The following CTNND2 variants were observed in gnomAD, a reference collection of about 807,000 sequenced individuals.
CTNND2 encodes the protein catenin delta 2.
Under a neutral mutation model 144.4 loss-of-function variants are expected in CTNND2, and 22 were observed. That is an observed-to-expected ratio of 0.15 (90% confidence interval 0.11 to 0.22). The LOEUF (loss-of-function observed/expected upper bound fraction) is 0.22, where lower values mean the gene tolerates loss of function less well. Among genes scored for constraint, CTNND2 ranks in the 10% least tolerant of loss-of-function variants. CTNND2 has a pLI of 1.00. For synonymous variants in CTNND2, 751 were observed against 695.6 expected, an observed-to-expected ratio of 1.08 and a Z score of -1.25; for missense variants, 1,353 against 1,618.8, an observed-to-expected ratio of 0.84 and a Z score of 2.82.
chr5:11,160,458 A>G (rs190605015), intron 11 of CTNND2, among the ~76,000 whole-genome samples: 7 of 152,372 alleles, frequency 4.6e-5, no homozygotes, highest in Admixed American at 3.9e-4. Context: ...CAAAATGTTA[A>G]CGACAAATAG....
intron 1 of CTNND2, among the ~76,000 whole-genome samples, chr5:11,791,256 A>G (rs150704555): frequency 2.6e-5 from 4 of 152,328 alleles, no homozygotes; most frequent in Non-Finnish European, 4.4e-5. Context: ...ATAGTTGGTC[A>G]TACTTTGTTA....
intron 2 of CTNND2, among the ~76,000 whole-genome samples, chr5:11,686,981 C>T (rs1784684262): frequency 1.3e-5 from 2 of 151,794 alleles, no homozygotes; most frequent in Non-Finnish European, 2.9e-5. Flanking sequence ...CCCATCCCTC[C>T]CAGGGACGTG....
Position 11,652,801 on chromosome 5 carries a change from C to A in CTNND2, c.174+79335G>T, listed in dbSNP as rs1286370908. Among the ~76,000 whole-genome samples, 4 of 152,114 alleles carry A rather than the reference C, an allele frequency of 2.6e-5. No homozygotes were observed. The East Asian group carries it at 7.7e-4, about 29-fold the overall frequency. On this transcript the variant is annotated intron_variant, in intron 2 of 21. Coordinates refer to ENST00000304623, the MANE Select transcript of CTNND2 (RefSeq NM_001332.4). ...TACATTATTAACTATGGTTACCATG[C>A]TGTACATTTAATCTCAAGAATTTGT...
rs70947250 is a variant in CTNND2 at position 11,283,673 on chromosome 5, C to CAAAAAA, written c.1629-46856_1629-46851dup. Among the ~76,000 whole-genome samples the CAAAAAA allele has an allele frequency of 5.9e-3, 186 of 31,630 alleles. 29 individuals are homozygous for CAAAAAA. The highest frequency in any genetic ancestry group is 8.2e-3 in the Non-Finnish European group (142 of 17,286). 20.8% of individuals were successfully genotyped at this position (31,630 alleles called of 152,430 possible). ...TGGGTGAAAGAGTGAGACTCCGTCT[C>CAAAAAA]AAAAAAAAAAAAAAAAAAAAAAAAA... On this transcript the variant is annotated intron_variant, in intron 9 of 21. Coordinates refer to ENST00000304623, the MANE Select transcript of CTNND2 (RefSeq NM_001332.4).
chr5:11,225,017 T>C (rs2077667446), intron 10 of CTNND2, among the ~76,000 whole-genome samples: 1 of 152,170 alleles, frequency 6.6e-6, no homozygotes, highest in South Asian at 2.1e-4. Context: ...GTCTCTGTGG[T>C]TCAGAGCTCT....
At chr5:11,770,075 T>C (rs1337973680) in intron 1 of CTNND2, among the ~76,000 whole-genome samples, 1 of 152,184 alleles carries the variant, frequency 6.6e-6, no homozygotes, top group South Asian at 2.1e-4. Context: ...TGAGAAGTAT[T>C]ACCACCATGG....
At chr5:11,865,915 A>AAAAAAAAAAAAAAAAC (rs1553986082) in intron 1 of CTNND2, among the ~76,000 whole-genome samples, 2 of 149,228 alleles carry the variant, frequency 1.3e-5, no homozygotes, top group Non-Finnish European at 3.0e-5. Context: ...AAAAAAAAAA[A>AAAAAAAAAAAAAAAAC]CGAGTTCTCC....
At chr5:11,244,288 T>A (rs1268850509) in intron 9 of CTNND2, among the ~76,000 whole-genome samples, 3 of 146,538 alleles carry the variant, frequency 2.0e-5, no homozygotes, top group African/African-American at 7.6e-5. Context: ...CAATTTTTTT[T>A]TTTTTTTTTT....
At chr5:11,776,809 C>T (rs1790280790) in intron 1 of CTNND2, among the ~76,000 whole-genome samples, 1 of 152,036 alleles carries the variant, frequency 6.6e-6, no homozygotes, top group African/African-American at 2.4e-5. Context: ...TGTTGATCAC[C>T]AGAAGATAGA....
intron 16 of CTNND2, among the ~76,000 whole-genome samples, chr5:11,036,555 G>A (rs1744091717): frequency 6.6e-6 from 1 of 151,964 alleles, no homozygotes; most frequent in East Asian, 1.9e-4. Context: ...CAAGTAGCTG[G>A]GATTACAGGT....
chr5:11,546,632 T>C (rs145498639), intron 3 of CTNND2, among the ~76,000 whole-genome samples: 193 of 152,086 alleles, frequency 1.3e-3, no homozygotes, highest in African/African-American at 4.6e-3. Flanking sequence ...TTTCCAAGAG[T>C]AACAAAAACT....
intron 3 of CTNND2, among the ~76,000 whole-genome samples, chr5:11,425,607 T>A (rs1039412645): frequency 6.6e-6 from 1 of 152,188 alleles, no homozygotes; most frequent in East Asian, 1.9e-4. Flanking sequence ...AAGCCATGAA[T>A]TGAAATTCCT....
At chr5:11,311,932 CA>C (rs1750957254) in intron 9 of CTNND2, among the ~76,000 whole-genome samples, 1 of 149,344 alleles carries the variant, frequency 6.7e-6, no homozygotes, top group African/African-American at 2.5e-5. Flanking sequence ...TCGCCCCCCA[CA>C]CACACTCACA....
chr5:11,314,693 T>C (rs984552280), intron 9 of CTNND2, among the ~76,000 whole-genome samples: 1 of 152,196 alleles, frequency 6.6e-6, no homozygotes, highest in Non-Finnish European at 1.5e-5. Flanking sequence ...AATCAAAGAA[T>C]CTTGCATTCC....
chr5:11,692,822 G>T (rs1784969363), intron 2 of CTNND2, among the ~76,000 whole-genome samples: 1 of 152,194 alleles, frequency 6.6e-6, no homozygotes, highest in African/African-American at 2.4e-5. Flanking sequence ...GACTGGTCTT[G>T]TACTCCTGAT....
At chr5:11,279,392 G>A (rs547934682) in intron 9 of CTNND2, among the ~76,000 whole-genome samples, 33 of 152,170 alleles carry the variant, frequency 2.2e-4, no homozygotes, top group African/African-American at 7.2e-4. Context: ...TTGAAAATAT[G>A]CCTGTAATCT....
chr5:11,593,324 T>C (rs247648), intron 2 of CTNND2, among the ~76,000 whole-genome samples: 80,439 of 152,070 alleles, frequency 0.53, 21,439 homozygotes, highest in Middle Eastern at 0.75. Context: ...TCTGTATATG[T>C]GTTAAGTCTG....
At chr5:11,901,545 G>A (rs929773210) in intron 1 of CTNND2, among the ~76,000 whole-genome samples, 2 of 152,194 alleles carry the variant, frequency 1.3e-5, no homozygotes, top group Non-Finnish European at 2.9e-5. Flanking sequence ...TAATTTGACA[G>A]TGTATGACTT....
intron 12 of CTNND2, among the ~76,000 whole-genome samples, chr5:11,157,965 T>C (rs1445470686): frequency 6.6e-6 from 1 of 152,218 alleles, no homozygotes; most frequent in African/African-American, 2.4e-5. Context: ...CCCGTGAGCC[T>C]ACACTGGTCT....
Sources: gnomAD v4.1 joint callset for allele counts (sites outside exome capture counted in the v4.1 genomes callset) on GRCh38, gnomAD v4.1.1 for gene constraint, MANE v1.5 for transcripts, NCBI Gene and HGNC (gene_info 2026-07-23, HGNC 2026-07-21) for gene names.